The following WWOX variants were observed in gnomAD, a reference collection of about 807,000 sequenced individuals.
The protein encoded by WWOX is WW domain containing oxidoreductase.
WWOX carries 69 observed loss-of-function variants against 46.2 expected under a neutral mutation model. The ratio of observed to expected loss-of-function variants is 1.49; its 90% confidence interval spans 1.23 to 1.82. The LOEUF is 1.82. Among genes scored for constraint, WWOX ranks in the 40% most tolerant of loss-of-function variants. The probability of loss-of-function intolerance (pLI) is 0.00; values close to 1 mark genes in which losing one functional copy is unlikely to be tolerated. For missense variants in WWOX, 919 were observed against 542.6 expected (o/e 1.69, Z -6.89); for synonymous variants, 359 against 202.6 (o/e 1.77, Z -6.56).
At chr16:78,695,897 G>T (rs566231941) in intron 8 of WWOX, among the ~76,000 whole-genome samples, 1 of 152,332 alleles carries the variant, frequency 6.6e-6, no homozygotes, top group East Asian at 1.9e-4. Context: ...TAGACCAGGG[G>T]TTCTCAAAGT....
At chr16:79,113,052 C>A (rs143016938) in intron 8 of WWOX, among the ~76,000 whole-genome samples, 2 of 152,260 alleles carry the variant, frequency 1.3e-5, no homozygotes, top group South Asian at 4.1e-4. Context: ...CAATGGTGAA[C>A]GGCACAGTCA....
At chr16:78,938,280 G>T (rs932694993) in intron 8 of WWOX, among the ~76,000 whole-genome samples, 2 of 152,180 alleles carry the variant, frequency 1.3e-5, no homozygotes, top group African/African-American at 4.8e-5. Flanking sequence ...GATCAGTGTT[G>T]CCCAGACCCT....
At chr16:78,918,395 G>A (rs146708382) in intron 8 of WWOX, among the ~76,000 whole-genome samples, 2 of 151,826 alleles carry the variant, frequency 1.3e-5, no homozygotes, top group African/African-American at 4.8e-5. Flanking sequence ...TCCTTTCCAG[G>A]CTGGCTTCTT....
intron 8 of WWOX, among the ~76,000 whole-genome samples, chr16:78,744,422 CTTTTT>C (rs976073233): frequency 3.6e-4 from 30 of 82,234 alleles, no homozygotes; most frequent in African/African-American, 1.8e-3. Context: ...GTCCACACTG[CTTTTT>C]TTTTTTTTTT....
intron 8 of WWOX, among the ~76,000 whole-genome samples, chr16:78,657,847 T>C (rs1456688619): frequency 6.6e-6 from 1 of 152,142 alleles, no homozygotes; most frequent in Non-Finnish European, 1.5e-5. Context: ...GTTTTTTGTT[T>C]TTTTGTTTTT....
At chr16:78,575,941 A>G (rs1228951707) in intron 8 of WWOX, among the ~76,000 whole-genome samples, 3 of 151,028 alleles carry the variant, frequency 2.0e-5, no homozygotes, top group South Asian at 2.1e-4. Context: ...GAGAGATTAA[A>G]TTTTACCCTG....
chr16:78,758,770 A>G (rs376675726), intron 8 of WWOX, among the ~76,000 whole-genome samples: 31 of 152,256 alleles, frequency 2.0e-4, no homozygotes, highest in African/African-American at 7.5e-4. Context: ...TGAGAAGGTT[A>G]AGGGCAATGA....
At chr16:78,874,336 T>C (rs1185167826) in intron 8 of WWOX, among the ~76,000 whole-genome samples, 1 of 151,604 alleles carries the variant, frequency 6.6e-6, no homozygotes, top group African/African-American at 2.4e-5. Flanking sequence ...AGCTGCATCC[T>C]GAACAGACAT....
chr16:78,693,732 T>C (rs2048039983), intron 8 of WWOX, among the ~76,000 whole-genome samples: 1 of 152,124 alleles, frequency 6.6e-6, no homozygotes, highest in South Asian at 2.1e-4. Context: ...GGGTGGCCCT[T>C]ACCACAGAGA....
At chr16:79,105,401 T>A (rs1466638985) in intron 8 of WWOX, among the ~76,000 whole-genome samples, 2 of 152,156 alleles carry the variant, frequency 1.3e-5, no homozygotes, top group Non-Finnish European at 2.9e-5. Context: ...CATGTACGTA[T>A]TCATACCCAT....
intron 8 of WWOX, among the ~76,000 whole-genome samples, chr16:78,478,432 C>G (rs190041285): frequency 6.6e-6 from 1 of 152,136 alleles, no homozygotes; most frequent in South Asian, 2.1e-4. Context: ...CCCGGGGTTC[C>G]TTTTCAGACT....
At chr16:78,112,807 C>G (rs1179254775) in intron 3 of WWOX, among the ~76,000 whole-genome samples, 2 of 151,630 alleles carry the variant, frequency 1.3e-5, no homozygotes, top group African/African-American at 4.9e-5. Context: ...TCAAGTGATC[C>G]TCCTGCCTCA....
intron 8 of WWOX, among the ~76,000 whole-genome samples, chr16:78,919,676 C>G (rs1279377144): frequency 1.3e-5 from 2 of 152,012 alleles, no homozygotes; most frequent in South Asian, 4.2e-4. Flanking sequence ...CACCACCACA[C>G]CTGGCTAATT....
intron 8 of WWOX, among the ~76,000 whole-genome samples, chr16:78,556,828 C>G (rs1015555465): frequency 6.6e-6 from 1 of 151,988 alleles, no homozygotes; most frequent in African/African-American, 2.4e-5. Flanking sequence ...AAGCAATTCT[C>G]GCACCTCAGC....
chr16:78,225,569 C>T (rs942524535), intron 5 of WWOX, among the ~76,000 whole-genome samples: 3 of 152,140 alleles, frequency 2.0e-5, no homozygotes, highest in Admixed American at 6.6e-5. Context: ...ACTGGTTGAA[C>T]GTGCCTATGT....
At chr16:79,015,368 G>T (rs550641019) in intron 8 of WWOX, among the ~76,000 whole-genome samples, 1 of 152,286 alleles carries the variant, frequency 6.6e-6, no homozygotes, top group Admixed American at 6.5e-5. Context: ...CATGCTTTTT[G>T]ATTTTTCTTG....
intron 8 of WWOX, among the ~76,000 whole-genome samples, chr16:79,017,754 C>G (rs1224977700): frequency 6.6e-6 from 1 of 151,220 alleles, no homozygotes; most frequent in Non-Finnish European, 1.5e-5. Context: ...GTTATTTTGT[C>G]ATGGCACGTT....
chr16:78,553,837 G>C (rs1389394846), intron 8 of WWOX, among the ~76,000 whole-genome samples: 1 of 152,044 alleles, frequency 6.6e-6, no homozygotes, highest in African/African-American at 2.4e-5. Context: ...GTCACAGCTG[G>C]CAAAGGGAAG....
At chr16:78,680,858 C>A (rs930387067) in intron 8 of WWOX, among the ~76,000 whole-genome samples, 3 of 152,112 alleles carry the variant, frequency 2.0e-5, no homozygotes, top group Admixed American at 2.0e-4. Context: ...TGCCTGTAAT[C>A]CTAGCACTTT....
Sources: allele counts gnomAD v4.1 joint callset (sites outside exome capture counted in the v4.1 genomes callset), GRCh38; gene constraint gnomAD v4.1.1; transcripts MANE v1.5; gene names NCBI Gene and HGNC (gene_info 2026-07-23, HGNC 2026-07-21).